Variants in CP observed in about 807,000 individuals in gnomAD.
CP encodes caeruloplasmin.
In CP, 64 loss-of-function variants were observed where a neutral mutation model predicts 122.4. The observed-to-expected ratio is 0.52, with a 90% confidence interval of 0.43 to 0.64. CP has a LOEUF of 0.64. Ranked by LOEUF, CP falls within the 30% of genes least tolerant of loss-of-function variation. The pLI, the probability that CP is intolerant of heterozygous loss-of-function variation, is 0.00. For synonymous variants in CP, 440 were observed against 436.4 expected (o/e 1.01, Z -0.10); for missense variants, 1,167 against 1,284.4 (o/e 0.91, Z 1.40).
intron 9 of CP, among the ~76,000 whole-genome samples, chr3:149,188,489 C>CAAAA (rs1559942731): frequency 1.5e-4 from 1 of 6,646 alleles, no homozygotes; most frequent in Non-Finnish European, 3.8e-4. Flanking sequence ...ATTGAAGCCT[C>CAAAA]CAAAAAAAAA....
At chr3:149,219,646 C>T (rs577701521) in intron 1 of CP, among the ~76,000 whole-genome samples, 71 of 151,752 alleles carry the variant, frequency 4.7e-4, no homozygotes, top group African/African-American at 1.6e-3. Flanking sequence ...ATAAATTACC[C>T]AGTCTTGAGT....
intron 9 of CP, among the ~76,000 whole-genome samples, chr3:149,197,141 AC>A (rs1726944180): frequency 1.3e-5 from 2 of 151,724 alleles, no homozygotes; most frequent in South Asian, 4.2e-4. Context: ...ACGGCCCCAC[AC>A]TTATCTCCCT....
Position 149,207,486 on chromosome 3 carries a change from T to G in CP, c.913A>C (p.Thr305Pro). 1 of 1,613,998 alleles carries G rather than the reference T, an allele frequency of 6.2e-7. No homozygotes were observed. Among genetic ancestry groups the G allele is most frequent in the African/African-American group, 1.3e-5 (1 of 75,030 alleles). Residue 305 changes from threonine to proline, a missense_variant, in exon 5 of 19, where the codon ACT becomes CCT. Physicochemically the swap from Thr to Pro is conservative, Grantham distance 38. This residue lies in a region of CP where 642 missense variants were observed against 627.3 expected (regional missense o/e 1.02). Coordinates refer to ENST00000264613, the MANE Select transcript of CP (RefSeq NM_000096.4). ...HAAFFHGQAL[T>P]NKNYRIDTIN... is the part of the protein sequence containing the mutation. ...GTGTCAATACGGTAGTTCTTGTTAGTCAGTGCTTGCCCGTGAAAGAAAGCT... is the reference window on the plus strand; with the variant it reads ...GTGTCAATACGGTAGTTCTTGTTAGGCAGTGCTTGCCCGTGAAAGAAAGCT...
At chr3:149,198,698 A>G in intron 8 of CP, 120 bp from the exon 9 acceptor site, 1 of 839,058 alleles carries the variant, frequency 1.2e-6, no homozygotes. Flanking sequence ...TATAAATTAG[A>G]ATGGAATCCC....
intron 3 of CP, among the ~76,000 whole-genome samples, chr3:149,209,609 A>G (rs1411100373): frequency 1.3e-5 from 2 of 152,220 alleles, no homozygotes; most frequent in East Asian, 1.9e-4. Context: ...TCCACTGACC[A>G]CATAACTATT....
At chr3:149,181,917 G>T in intron 14 of CP, 88 bp downstream of exon 14, 2 of 1,463,602 alleles carry the variant, frequency 1.4e-6, no homozygotes, top group Non-Finnish European at 1.9e-6. Context: ...CACTTTCTTG[G>T]TCCAGACTCT....
chr3:149,179,580 A>C lies in CP; in HGVS notation c.2637T>G (p.Tyr879Ter), dbSNP rs769993572. ...CCTTAACTTGATCCACAGTTGAATA[A>C]TAAGCCCATGGAATACAAGCAGAAT... is the stretch of plus-strand genomic sequence containing the variant. ...TEDSACIPWA[Y>*]YSTVDQVKDL... Residue 879 changes from tyrosine to a stop codon, truncating the protein, a stop_gained, in exon 15 of 19, where the codon TAT (tyrosine) becomes TAG (stop). Coordinates refer to ENST00000264613, the MANE Select transcript of CP (RefSeq NM_000096.4). LOFTEE classifies it high-confidence loss of function. 1.2e-6 allele frequency: 2 copies of C among 1,613,624 alleles called. No individual in the cohort carries two copies. The highest frequency in any genetic ancestry group is 1.7e-6 in the Non-Finnish European group (2 of 1,179,744).
chr3:149,214,357 T>C (rs1225456737), intron 1 of CP, among the ~76,000 whole-genome samples: 1 of 152,068 alleles, frequency 6.6e-6, no homozygotes, highest in Non-Finnish European at 1.5e-5. Context: ...ATTCTCTGGA[T>C]TGATCAAGGA....
At chr3:149,179,181 C>A (rs562600865) in intron 15 of CP, among the ~76,000 whole-genome samples, 5 of 152,144 alleles carry the variant, frequency 3.3e-5, no homozygotes, top group African/African-American at 1.2e-4. Flanking sequence ...ATTTGCCTCA[C>A]GTATTACAAC....
At chr3:149,177,562 T>C (rs964788174) in intron 17 of CP, among the ~76,000 whole-genome samples, 4 of 152,216 alleles carry the variant, frequency 2.6e-5, no homozygotes, top group African/African-American at 9.6e-5. Flanking sequence ...ATTATTATAA[T>C]ACCTAATACA....
At chr3:149,207,103 G>C (rs559395902) in intron 5 of CP, among the ~76,000 whole-genome samples, 2 of 152,248 alleles carry the variant, frequency 1.3e-5, no homozygotes, top group South Asian at 4.1e-4. Context: ...ATTTTACAAA[G>C]CTGAGTAAGT....
chr3:149,174,033 GATCAAT>G (rs1241071751), intron 18 of CP, among the ~76,000 whole-genome samples: 1 of 152,106 alleles, frequency 6.6e-6, no homozygotes, highest in Admixed American at 6.6e-5. Context: ...TAATAGAACT[GATCAAT>G]ATCTTGTGCC....
At chr3:149,181,520 C>T (rs2108224986) in intron 14 of CP, among the ~76,000 whole-genome samples, 1 of 152,246 alleles carries the variant, frequency 6.6e-6, no homozygotes, top group African/African-American at 2.4e-5. Context: ...AAATGCTCAC[C>T]TATGTATATA....
At chr3:149,180,146 T>G (rs1463686961) in intron 14 of CP, 1 of 191,286 alleles carries the variant, frequency 5.2e-6, no homozygotes. Flanking sequence ...TCCTCTCTCA[T>G]GATCATCCTT....
At chr3:149,171,451 T>C (rs996683250), downstream of CP, among the ~76,000 whole-genome samples, 2 of 152,162 alleles carry the variant, frequency 1.3e-5, no homozygotes, top group Non-Finnish European at 2.9e-5. Flanking sequence ...TAGCTTAGTA[T>C]AGACATAGCA....
Position 149,198,411 on chromosome 3 carries a change from T to G in CP, c.1669A>C (p.Met557Leu). The G allele has an allele frequency of 2.5e-6, 4 of 1,614,020 alleles. No homozygotes were observed. The highest frequency in any genetic ancestry group is 3.4e-6 in the Non-Finnish European group (4 of 1,179,836). The change falls in exon 9 of 19, where the codon ATG becomes CTG. Residue 557 changes from methionine to leucine, a missense_variant. This residue lies in a region of CP where 525 missense variants were observed against 657.2 expected (regional missense o/e 0.80). Transcript: ENST00000264613. ...AAACTTCCTTTCTTGCATATTTTCA[T>G]TGGCCCAATAAGCCCAGTGAATATA... ...KDIFTGLIGP[M>L]KICKKGSLHA... is the part of the protein sequence containing the mutation.
chr3:149,196,873 T>C (rs1031843889), intron 9 of CP, among the ~76,000 whole-genome samples: 3 of 152,246 alleles, frequency 2.0e-5, no homozygotes, highest in Non-Finnish European at 4.4e-5. Flanking sequence ...TACGCCCAGA[T>C]GGCCTGAAGT....
chr3:149,201,574 C>T (rs1369588060), intron 7 of CP, among the ~76,000 whole-genome samples: 1 of 151,844 alleles, frequency 6.6e-6, no homozygotes, highest in Non-Finnish European at 1.5e-5. Context: ...GTCAGGTCAG[C>T]ATGGGTTTTT....
intron 2 of CP, among the ~76,000 whole-genome samples, chr3:149,211,902 A>C: frequency 6.6e-6 from 1 of 152,160 alleles, no homozygotes; most frequent in East Asian, 1.9e-4. Context: ...TCTGACTCTC[A>C]CTGAGTCCAC....
Sources: gnomAD v4.1 joint callset for allele counts (sites outside exome capture counted in the v4.1 genomes callset) on GRCh38, gnomAD v4.1.1 for gene constraint, gnomAD v4.1.1 regional missense constraint, MANE v1.5 for transcripts, NCBI Gene and HGNC (gene_info 2026-07-23, HGNC 2026-07-21) for gene names.